The following BCAS3 variants were observed in gnomAD, a reference collection of about 807,000 sequenced individuals.
BCAS3 encodes BCAS4/BCAS3 fusion.
Under a neutral mutation model 116.1 loss-of-function variants are expected in BCAS3, and 53 were observed. The observed-to-expected ratio is 0.46, with a 90% CI of 0.37 to 0.57. BCAS3 has a LOEUF of 0.57. BCAS3 is among the 20% of genes least tolerant of loss of function. The probability of loss-of-function intolerance (pLI) is 0.00; values close to 1 mark genes in which losing one functional copy is unlikely to be tolerated. For missense variants in BCAS3, 917 were observed against 1,165.4 expected (o/e 0.79, Z 3.10); for synonymous variants, 391 against 408.2 (o/e 0.96, Z 0.51).
chr17:61,174,411 G>C (rs1275444632), intron 22 of BCAS3, among the ~76,000 whole-genome samples: 1 of 152,132 alleles, frequency 6.6e-6, no homozygotes, highest in African/African-American at 2.4e-5. Context: ...GAGATCATAG[G>C]TCATTTGTCC....
Position 60,705,512 on chromosome 17 carries a change from C to CAAA in BCAS3, c.215-3691_215-3689dup, listed in dbSNP as rs1033436210. On this transcript the variant is annotated intron_variant, in intron 4 of 23. Transcript: ENST00000407086. ...TTGGGTGACAGAGTGAGACTTGTCT[C>CAAA]AAAAAAAAAAAAAAAAAAGAAAAGA... Among the ~76,000 whole-genome samples, 320 of 61,832 alleles carry CAAA rather than the reference C, an allele frequency of 5.2e-3. 4 individuals are homozygous for CAAA. The highest frequency in any genetic ancestry group is 0.014 in the African/African-American group (302 of 20,960). The allele number at this position is 61,832 out of a possible 152,430, so 40.6% of individuals were successfully genotyped here. A position where few individuals can be genotyped will look rare whatever the true frequency, so the allele number is the denominator to read the frequency against.
intron 14 of BCAS3, among the ~76,000 whole-genome samples, chr17:60,970,059 CTTGTTGAATAGAAA>C (rs2061871219): frequency 1.3e-5 from 2 of 152,120 alleles, no homozygotes; most frequent in African/African-American, 4.8e-5. Flanking sequence ...ATGGTCATTT[CTTGTTGAATAGAAA>C]GGATGATTTT....
intron 5 of BCAS3, among the ~76,000 whole-genome samples, chr17:60,735,753 T>A (rs574361365): frequency 1.3e-5 from 2 of 152,102 alleles, no homozygotes; most frequent in Admixed American, 6.5e-5. Context: ...TTAGCTGGAC[T>A]TTTTTTTGTA....
chr17:61,047,171 A>G (rs745892325), intron 19 of BCAS3, among the ~76,000 whole-genome samples: 6 of 151,958 alleles, frequency 3.9e-5, no homozygotes, highest in Non-Finnish European at 7.4e-5. Flanking sequence ...GGAATGACCA[A>G]AATTAATGAA....
rs932021399 is a variant in BCAS3, at chr17:60,967,519, T to C, written c.1221+20167T>C. On this transcript the variant is annotated intron_variant, in intron 14 of 23. Coordinates refer to ENST00000407086, the MANE Select transcript of BCAS3 (RefSeq NM_017679.5). The surrounding 1 kb of genome is among the most constrained non-coding windows in gnomAD (Gnocchi z 4.7). ...TCATTATTATACGTGTTAGAGTACTTTTATTTGGGTTGAGTGTTGTTCTCA... is the reference window on the plus strand; with the variant it reads ...TCATTATTATACGTGTTAGAGTACTCTTATTTGGGTTGAGTGTTGTTCTCA... Among the ~76,000 whole-genome samples, 2 of 152,218 alleles carry C rather than the reference T, an allele frequency of 1.3e-5. No individual in the cohort carries two copies. Among genetic ancestry groups the C allele is most frequent in the Non-Finnish European group, 2.9e-5 (2 of 68,050 alleles).
At chr17:61,046,054 ATATT>A (rs1414275767) in intron 19 of BCAS3, among the ~76,000 whole-genome samples, 1 of 20,118 alleles carries the variant, frequency 5.0e-5, no homozygotes, top group Non-Finnish European at 6.9e-5. Context: ...TATAATATAT[ATATT>A]ATATATATAT....
chr17:60,810,759 G>T, intron 7 of BCAS3: 1 of 658,882 alleles, frequency 1.5e-6, no homozygotes, highest in Admixed American at 1.9e-5. Context: ...CTCAGCTTCA[G>T]CTGGAGACAG....
At position 61,141,923 on chromosome 17, in the gene BCAS3, T is replaced by A. The variant is rs201865699; in HGVS notation, c.2425+57359T>A. ...TCAAGAAAAAAAAAAAAAAAAAAGT[T>A]AGACAATTATACAGAGATACTCAAG... On this transcript the variant is annotated intron_variant, in intron 22 of 23. Transcript: ENST00000407086. The surrounding 1 kb of genome is among the most constrained non-coding windows in gnomAD (Gnocchi z 4.3). 3.5e-3 allele frequency among the ~76,000 whole-genome samples: 41 copies of A among 11,828 alleles called. 8 individuals are homozygous for A. Among genetic ancestry groups the A allele is most frequent in the Non-Finnish European group, 0.029 (28 of 964 alleles). The allele number at this position is 11,828 out of a possible 152,430, so 7.8% of individuals were successfully genotyped here. A position where few individuals can be genotyped will look rare whatever the true frequency, so the allele number is the denominator to read the frequency against.
chr17:60,896,668 G>T (rs771996625), intron 10 of BCAS3, among the ~76,000 whole-genome samples: 1 of 147,642 alleles, frequency 6.8e-6, no homozygotes, highest in South Asian at 2.1e-4. Context: ...GTTTCCATTT[G>T]TGTGGAATAT....
Position 61,327,472 on chromosome 17 carries a change from T to C in BCAS3, c.2426-40855T>C, listed in dbSNP as rs2055831749. ...TATTGAGGGTTAGATAACAGGCAAG[T>C]ATGTGGAGATGAGGGAGCAAATAGA... On this transcript the variant is annotated intron_variant, in intron 22 of 23. Transcript: ENST00000407086. The surrounding 1 kb of genome is among the most constrained non-coding windows in gnomAD (Gnocchi z 5.9). 6.6e-6 allele frequency among the ~76,000 whole-genome samples: 1 copy of C among 151,982 alleles called. No individual in the cohort carries two copies. The highest frequency in any genetic ancestry group is 2.1e-4 in the South Asian group (1 of 4,822).
At position 61,007,727 on chromosome 17, in the gene BCAS3, T is replaced by A. The variant is rs2064817939; in HGVS notation, c.1487-8024T>A. Among the ~76,000 whole-genome samples, 1 of 151,678 alleles carries A rather than the reference T, an allele frequency of 6.6e-6. No individual in the cohort carries two copies. Among genetic ancestry groups the A allele is most frequent in the African/African-American group, 2.4e-5 (1 of 41,230 alleles). On this transcript the variant is annotated intron_variant, in intron 15 of 23. Transcript: ENST00000407086. The surrounding 1 kb of genome is among the most constrained non-coding windows in gnomAD (Gnocchi z 4.3). ...CCTGTTTAAAAAAAAAAAAGAAAGATTGGATTCTTGTTTTCAAGTCCATTT... is the reference window on the plus strand; with the variant it reads ...CCTGTTTAAAAAAAAAAAAGAAAGAATGGATTCTTGTTTTCAAGTCCATTT...
At chr17:60,935,644 C>A (rs1345291174) in intron 13 of BCAS3, among the ~76,000 whole-genome samples, 1 of 152,122 alleles carries the variant, frequency 6.6e-6, no homozygotes, top group East Asian at 1.9e-4. Context: ...TGCTCATATA[C>A]CCAAAATGTG....
At chr17:60,958,475 G>A (rs557690308) in intron 14 of BCAS3, among the ~76,000 whole-genome samples, 1 of 152,242 alleles carries the variant, frequency 6.6e-6, no homozygotes, top group African/African-American at 2.4e-5. Flanking sequence ...AAATCCAGAA[G>A]TGTATACTAC....
intron 4 of BCAS3, among the ~76,000 whole-genome samples, chr17:60,705,432 T>C (rs2036986632): frequency 6.6e-6 from 1 of 151,704 alleles, no homozygotes; most frequent in Admixed American, 6.6e-5. Flanking sequence ...TGAGAATCGC[T>C]TGAGCCTGGG....
At chr17:61,253,169 C>A (rs1324729353) in intron 22 of BCAS3, among the ~76,000 whole-genome samples, 5 of 151,796 alleles carry the variant, frequency 3.3e-5, no homozygotes, top group African/African-American at 4.8e-5. Context: ...AGCCACTGAG[C>A]CCGGCCCGTT....
chr17:61,003,372 G>A lies in BCAS3; in HGVS notation c.1487-12379G>A, dbSNP rs1403482769. Among the ~76,000 whole-genome samples the A allele has an allele frequency of 9.3e-5, 11 of 118,104 alleles. No individual in the cohort carries two copies. The East Asian group carries it at 2.9e-3, about 31-fold the overall frequency. The allele number at this position is 118,104 out of a possible 152,430, so 77.5% of individuals were successfully genotyped here. On this transcript the variant is annotated intron_variant, in intron 15 of 23. Coordinates refer to ENST00000407086, the MANE Select transcript of BCAS3 (RefSeq NM_017679.5). Reference sequence around the variant, plus strand: ...AGCTTTTTTGTGCTCCTTTTATTATGCCCTCCCCTCCCCTCCCCTCCCCTC... The same window carrying A: ...AGCTTTTTTGTGCTCCTTTTATTATACCCTCCCCTCCCCTCCCCTCCCCTC...
At position 61,392,131 on chromosome 17, in the gene BCAS3, A is replaced by G; in HGVS notation, c.*6A>G. On this transcript the variant is annotated 3_prime_UTR_variant, in exon 24 of 24. Transcript: ENST00000407086. This position sits in a 1 kb window ranked among gnomAD's most constrained non-coding sequence, Gnocchi z 6.4. ...TCCCGACTGGCTTCCCGTAGGTACCAGCAACCTGCTTCTGACTGGCCAGCC... is the reference window on the plus strand; with the variant it reads ...TCCCGACTGGCTTCCCGTAGGTACCGGCAACCTGCTTCTGACTGGCCAGCC... The G allele has an allele frequency of 6.2e-7, 1 of 1,612,726 alleles. No homozygotes were observed. Among genetic ancestry groups the G allele is most frequent in the Non-Finnish European group, 8.5e-7 (1 of 1,179,526 alleles).
At chr17:60,921,822 A>C (rs2059118096) in intron 12 of BCAS3, among the ~76,000 whole-genome samples, 1 of 151,980 alleles carries the variant, frequency 6.6e-6, no homozygotes, top group Non-Finnish European at 1.5e-5. Context: ...TTAAAAAAAA[A>C]ACATGTAAAC....
intron 6 of BCAS3, among the ~76,000 whole-genome samples, chr17:60,782,165 TTTTG>T (rs58712075): frequency 0.043 from 6,611 of 152,270 alleles, 456 homozygotes; most frequent in African/African-American, 0.15. Context: ...TAAAAACTAC[TTTTG>T]TTTATCTGTT....
Sources: gnomAD v4.1 joint callset for allele counts (sites outside exome capture counted in the v4.1 genomes callset) on GRCh38, gnomAD v4.1.1 for gene constraint, Gnocchi (gnomAD v3.1) non-coding constraint, MANE v1.5 for transcripts, NCBI Gene and HGNC (gene_info 2026-07-23, HGNC 2026-07-21) for gene names.